CLSTN2: variants seen among roughly 807,000 people sequenced by gnomAD.
CLSTN2 encodes calsyntenin 2, also known as calsyntenin-2.
CLSTN2 carries 48 observed loss-of-function variants against 101.2 expected under a neutral mutation model. The observed-to-expected ratio is 0.47, with a 90% CI of 0.38 to 0.60. The LOEUF (loss-of-function observed/expected upper bound fraction) is 0.60, where lower values mean the gene tolerates loss of function less well. Among genes scored for constraint, CLSTN2 ranks in the 20% least tolerant of loss-of-function variants. The pLI is 0.00. For missense variants in CLSTN2, 1,160 were observed against 1,238.2 expected, an observed-to-expected ratio of 0.94 and a Z score of 0.95; for synonymous variants, 481 against 463.6, an observed-to-expected ratio of 1.04 and a Z score of -0.48.
At chr3:140,028,026 G>A (rs914673543) in intron 1 of CLSTN2, among the ~76,000 whole-genome samples, 1 of 152,202 alleles carries the variant, frequency 6.6e-6, no homozygotes, top group Non-Finnish European at 1.5e-5. Flanking sequence ...AGAAGGTAAT[G>A]ATGTGTTCAG....
At chr3:140,061,449 T>A (rs1176650631) in intron 1 of CLSTN2, among the ~76,000 whole-genome samples, 1 of 152,134 alleles carries the variant, frequency 6.6e-6, no homozygotes, top group African/African-American at 2.4e-5. Context: ...TGGGTTGCCC[T>A]AGGAGACCTC....
intron 2 of CLSTN2, 61 bp from the exon 3 acceptor site, chr3:140,403,568 G>A: frequency 7.3e-7 from 1 of 1,375,476 alleles, no homozygotes; most frequent in South Asian, 1.3e-5. Context: ...TCCAATGGAA[G>A]CACTGTCTTC....
chr3:140,184,558 G>T (rs79148296), intron 2 of CLSTN2, among the ~76,000 whole-genome samples: 2 of 152,074 alleles, frequency 1.3e-5, no homozygotes. Flanking sequence ...ATTACAATTC[G>T]AGATGAGATT....
At chr3:140,380,558 G>C (rs2087969141) in intron 2 of CLSTN2, among the ~76,000 whole-genome samples, 1 of 152,118 alleles carries the variant, frequency 6.6e-6, no homozygotes, top group Admixed American at 6.5e-5. Flanking sequence ...GAGAAAATAT[G>C]GTCAGTGGCA....
At chr3:140,323,845 G>A (rs1220472024) in intron 2 of CLSTN2, among the ~76,000 whole-genome samples, 1 of 152,192 alleles carries the variant, frequency 6.6e-6, no homozygotes, top group Admixed American at 6.5e-5. Flanking sequence ...ACATCACTGA[G>A]GATCCAGTTT....
intron 1 of CLSTN2, among the ~76,000 whole-genome samples, chr3:139,966,937 G>T (rs1235019762): frequency 6.6e-6 from 1 of 152,148 alleles, no homozygotes; most frequent in Non-Finnish European, 1.5e-5. Flanking sequence ...GTGCTGCCAG[G>T]GTTCTAGTCT....
At chr3:140,532,267 G>C in intron 8 of CLSTN2, 57 bp from the exon 9 acceptor site, 3 of 1,443,446 alleles carry the variant, frequency 2.1e-6, no homozygotes, top group Non-Finnish European at 2.8e-6. Context: ...GTAAAAGCCT[G>C]TTTGATGTTT....
In CLSTN2 at chr3:140,541,136, T is replaced by A. The variant is rs147542228; in HGVS notation, c.1508-5379T>A. 3.1e-3 allele frequency among the ~76,000 whole-genome samples: 475 copies of A among 152,038 alleles called. 2 individuals are homozygous for A. Among genetic ancestry groups the A allele is most frequent in the Non-Finnish European group, 5.8e-3 (392 of 67,992 alleles). On this transcript the variant is annotated intron_variant, in intron 9 of 16. Transcript: ENST00000458420. ...CCCCTTGAACCTTCCAAGCCACATC[T>A]CATTGTCTGGCATGTAGGCCAAAGG...
chr3:140,051,268 T>A lies in CLSTN2; in HGVS notation c.109+115785T>A, dbSNP rs143527090. On this transcript the variant is annotated intron_variant, in intron 1 of 16. Transcript: ENST00000458420. Reference sequence around the variant, plus strand: ...CTGTCTGGAGAAGCCATCAATCTTGTGGGATGTGTAATTTGCACAAGTTTG... The same window carrying A: ...CTGTCTGGAGAAGCCATCAATCTTGAGGGATGTGTAATTTGCACAAGTTTG... Among the ~76,000 whole-genome samples, 11 of 152,332 alleles carry A rather than the reference T, an allele frequency of 7.2e-5. No individual in the cohort carries two copies. In the East Asian group the frequency reaches 1.5e-3, roughly 21 times the overall value.
At chr3:139,984,088 T>C (rs2107825137) in intron 1 of CLSTN2, among the ~76,000 whole-genome samples, 1 of 152,304 alleles carries the variant, frequency 6.6e-6, no homozygotes, top group East Asian at 1.9e-4. Context: ...AATGGGTTAT[T>C]TGCAATAATG....
intron 1 of CLSTN2, among the ~76,000 whole-genome samples, chr3:139,993,810 A>G (rs1047765267): frequency 1.3e-5 from 2 of 152,172 alleles, no homozygotes; most frequent in African/African-American, 4.8e-5. Context: ...CGGGTATAAA[A>G]ATACTGACAG....
At chr3:140,246,738 C>G (rs1482190982) in intron 2 of CLSTN2, among the ~76,000 whole-genome samples, 1 of 152,070 alleles carries the variant, frequency 6.6e-6, no homozygotes, top group African/African-American at 2.4e-5. Flanking sequence ...CATATGTGGG[C>G]AGGTAGGAAG....
At chr3:140,504,082 T>A (rs73231241) in intron 8 of CLSTN2, among the ~76,000 whole-genome samples, 1 of 152,130 alleles carries the variant, frequency 6.6e-6, no homozygotes, top group Admixed American at 6.5e-5. Flanking sequence ...CCTCATCCAC[T>A]TCTGCCAGAT....
intron 1 of CLSTN2, among the ~76,000 whole-genome samples, chr3:140,114,915 G>C (rs572787292): frequency 6.6e-6 from 1 of 152,246 alleles, no homozygotes; most frequent in African/African-American, 2.4e-5. Context: ...CCATTGCTGG[G>C]ACACTCTCAG....
chr3:140,322,019 G>A (rs1226158156), intron 2 of CLSTN2, among the ~76,000 whole-genome samples: 1 of 152,210 alleles, frequency 6.6e-6, no homozygotes, highest in African/African-American at 2.4e-5. Context: ...ACCCTCTGTA[G>A]CTCCATCTCT....
intron 2 of CLSTN2, among the ~76,000 whole-genome samples, chr3:140,230,644 C>A (rs1274413799): frequency 6.6e-6 from 1 of 152,160 alleles, no homozygotes; most frequent in Non-Finnish European, 1.5e-5. Flanking sequence ...TAGCTCTCTG[C>A]AGACACAAAA....
At chr3:140,089,237 C>A (rs1021546829) in intron 1 of CLSTN2, among the ~76,000 whole-genome samples, 2 of 152,170 alleles carry the variant, frequency 1.3e-5, no homozygotes, top group Non-Finnish European at 2.9e-5. Context: ...CCTTATTTTT[C>A]TCTGTGTGGC....
At chr3:140,077,656 AG>A (rs2008515152) in intron 1 of CLSTN2, among the ~76,000 whole-genome samples, 1 of 151,940 alleles carries the variant, frequency 6.6e-6, no homozygotes, top group African/African-American at 2.4e-5. Flanking sequence ...GCGGTGAAAG[AG>A]GTCTTCTCAG....
At chr3:140,279,846 T>C (rs2107895716) in intron 2 of CLSTN2, among the ~76,000 whole-genome samples, 1 of 152,350 alleles carries the variant, frequency 6.6e-6, no homozygotes, top group South Asian at 2.1e-4. Flanking sequence ...GACCTCCTTC[T>C]CATGCTGTCC....
Sources: gnomAD v4.1 joint callset for allele counts (sites outside exome capture counted in the v4.1 genomes callset) on GRCh38, gnomAD v4.1.1 for gene constraint, MANE v1.5 for transcripts, NCBI Gene and HGNC (gene_info 2026-07-23, HGNC 2026-07-21) for gene names.